SLC2A13: variants seen among roughly 807,000 people sequenced by gnomAD.
SLC2A13 encodes the protein solute carrier family 2 member 13, also known as proton myo-inositol cotransporter.
SLC2A13 carries 32 observed loss-of-function variants against 64.4 expected under a neutral mutation model. That is an observed-to-expected ratio of 0.50 (90% confidence interval 0.37 to 0.67). The LOEUF is 0.67. Among genes scored for constraint, SLC2A13 ranks in the 30% least tolerant of loss-of-function variants. The pLI is 0.00. For synonymous variants in SLC2A13, 338 were observed against 327.1 expected (o/e 1.03, Z -0.36); for missense variants, 743 against 829.2 (o/e 0.90, Z 1.28).
At chr12:39,900,865 G>T (rs1945077761) in intron 4 of SLC2A13, among the ~76,000 whole-genome samples, 1 of 152,104 alleles carries the variant, frequency 6.6e-6, no homozygotes, top group Admixed American at 6.6e-5. Context: ...AACCAAAAAA[G>T]ATCCCGCATC....
At chr12:39,861,995 T>C (rs1943774326) in intron 6 of SLC2A13, among the ~76,000 whole-genome samples, 2 of 152,202 alleles carry the variant, frequency 1.3e-5, no homozygotes, top group Admixed American at 1.3e-4. Flanking sequence ...AAGCCCCGCA[T>C]GCATTAGCTA....
intron 3 of SLC2A13, among the ~76,000 whole-genome samples, chr12:39,999,510 G>C (rs1041202304): frequency 1.3e-4 from 20 of 152,032 alleles, no homozygotes; most frequent in Non-Finnish European, 2.9e-4. Flanking sequence ...AATATGCCCT[G>C]GTCTCCTGCA....
At position 39,805,262 on chromosome 12, in the gene SLC2A13, G is replaced by C. The variant is rs192299159; in HGVS notation, c.1445+24841C>G. Among the ~76,000 whole-genome samples, 4 of 152,282 alleles carry C rather than the reference G, an allele frequency of 2.6e-5. No homozygotes were observed. The East Asian group carries it at 7.7e-4, about 29-fold the overall frequency. ...CAGAGTGTTGAACAGAAAGTGGTGTGATCTGGCCTCATTTGAAAAGGGTCA... is the reference window on the plus strand; with the variant it reads ...CAGAGTGTTGAACAGAAAGTGGTGTCATCTGGCCTCATTTGAAAAGGGTCA... On this transcript the variant is annotated intron_variant, in intron 7 of 9. Coordinates refer to ENST00000280871, the MANE Select transcript of SLC2A13 (RefSeq NM_052885.4).
At chr12:39,996,739 G>A (rs749827267) in intron 3 of SLC2A13, among the ~76,000 whole-genome samples, 8 of 152,198 alleles carry the variant, frequency 5.3e-5, no homozygotes, top group Non-Finnish European at 1.2e-4. Flanking sequence ...ATTGTGTTGA[G>A]CCTGCCAGTG....
At chr12:39,843,111 T>C (rs1943218873) in intron 6 of SLC2A13, among the ~76,000 whole-genome samples, 1 of 152,030 alleles carries the variant, frequency 6.6e-6, no homozygotes, top group South Asian at 2.1e-4. Context: ...AGATACGTGC[T>C]TTCAGTTCTC....
At chr12:39,966,572 T>C (rs576339805) in intron 3 of SLC2A13, among the ~76,000 whole-genome samples, 18 of 152,278 alleles carry the variant, frequency 1.2e-4, no homozygotes, top group Admixed American at 1.1e-3. Context: ...GGTATTCCAT[T>C]AGCACATTCA....
chr12:39,783,023 C>A (rs542911926), intron 7 of SLC2A13, among the ~76,000 whole-genome samples: 35 of 152,240 alleles, frequency 2.3e-4, no homozygotes, highest in Non-Finnish European at 3.7e-4. Context: ...CTCCCCGCTC[C>A]CCCCACCCCA....
At chr12:39,811,290 C>T (rs1293107889) in intron 7 of SLC2A13, among the ~76,000 whole-genome samples, 4 of 151,956 alleles carry the variant, frequency 2.6e-5, no homozygotes, top group Non-Finnish European at 5.9e-5. Context: ...TCATCTATTG[C>T]TTTTACATTT....
At chr12:40,070,790 A>AT (rs975441623) in intron 1 of SLC2A13, among the ~76,000 whole-genome samples, 3 of 152,084 alleles carry the variant, frequency 2.0e-5, no homozygotes, top group African/African-American at 7.2e-5. Context: ...TCCTTTAAAA[A>AT]TTTTTTATTG....
chr12:39,962,145 G>A (rs1946424804), intron 3 of SLC2A13, among the ~76,000 whole-genome samples: 1 of 152,218 alleles, frequency 6.6e-6, no homozygotes, highest in South Asian at 2.1e-4. Context: ...AGGCTGGAGT[G>A]CAGTGGCATG....
At chr12:39,964,506 T>G (rs1333539369) in intron 3 of SLC2A13, among the ~76,000 whole-genome samples, 1 of 152,202 alleles carries the variant, frequency 6.6e-6, no homozygotes, top group African/African-American at 2.4e-5. Context: ...TATGGAAGAA[T>G]GTAAATGCTA....
intron 4 of SLC2A13, among the ~76,000 whole-genome samples, chr12:39,876,706 T>C (rs917991649): frequency 2.6e-5 from 4 of 152,170 alleles, no homozygotes; most frequent in Non-Finnish European, 5.9e-5. Flanking sequence ...ATTTTAACTG[T>C]TTGACAAAAT....
chr12:39,943,887 A>T (rs2132746), intron 4 of SLC2A13, among the ~76,000 whole-genome samples: 3 of 152,070 alleles, frequency 2.0e-5, no homozygotes, highest in African/African-American at 4.8e-5. Context: ...AACTGGGTGG[A>T]CGTTTGGGCA....
intron 6 of SLC2A13, among the ~76,000 whole-genome samples, chr12:39,861,012 CTTA>C (rs1166035464): frequency 2.0e-5 from 3 of 152,206 alleles, no homozygotes; most frequent in African/African-American, 7.2e-5. Context: ...TCTGATCTGT[CTTA>C]ATAGTCTTAT....
At chr12:39,986,177 C>G (rs1047034271) in intron 3 of SLC2A13, among the ~76,000 whole-genome samples, 3 of 151,994 alleles carry the variant, frequency 2.0e-5, no homozygotes, top group African/African-American at 7.3e-5. Flanking sequence ...TCCTAACCTC[C>G]AGGTGAGGAT....
intron 3 of SLC2A13, among the ~76,000 whole-genome samples, chr12:40,004,179 T>C (rs1369664408): frequency 6.6e-6 from 1 of 152,076 alleles, no homozygotes; most frequent in African/African-American, 2.4e-5. Context: ...GCAAATACTA[T>C]ACAATTTTAT....
At chr12:39,878,115 T>G (rs1476866883) in intron 4 of SLC2A13, among the ~76,000 whole-genome samples, 2 of 152,216 alleles carry the variant, frequency 1.3e-5, no homozygotes, top group Admixed American at 6.5e-5. Flanking sequence ...CCACTCTTCC[T>G]CAAAAGCCTA....
chr12:40,024,271 C>T lies in SLC2A13; in HGVS notation c.925+4030G>A, dbSNP rs528564631. Among the ~76,000 whole-genome samples, 13 of 152,324 alleles carry T rather than the reference C, an allele frequency of 8.5e-5. No individual in the cohort carries two copies. In the South Asian group the frequency reaches 2.3e-3, roughly 27 times the overall value. ...TCTGAAAACAGTAATTGTGTCCCTACTAATTTAACACTTAGGCTTGGGAAC... is the reference window on the plus strand; with the variant it reads ...TCTGAAAACAGTAATTGTGTCCCTATTAATTTAACACTTAGGCTTGGGAAC... On this transcript the variant is annotated intron_variant, in intron 3 of 9. Transcript: ENST00000280871.
intron 2 of SLC2A13, among the ~76,000 whole-genome samples, chr12:40,030,371 T>A (rs1041716840): frequency 1.2e-4 from 19 of 152,228 alleles, no homozygotes; most frequent in Non-Finnish European, 1.6e-4. Flanking sequence ...GTTTTATTGC[T>A]GTAAATCAAT....
Sources: allele counts gnomAD v4.1 joint callset (sites outside exome capture counted in the v4.1 genomes callset), GRCh38; gene constraint gnomAD v4.1.1; transcripts MANE v1.5; gene names NCBI Gene and HGNC (gene_info 2026-07-23, HGNC 2026-07-21).